Variants in CSMD1 observed in about 807,000 individuals in gnomAD.
CSMD1 encodes the protein CUB and sushi domain-containing protein 1.
A neutral mutation model predicts 417.5 loss-of-function variants in CSMD1; 213 were observed. The ratio of observed to expected loss-of-function variants is 0.51; its 90% CI spans 0.46 to 0.57. CSMD1 has a LOEUF of 0.57. Ranked by LOEUF, CSMD1 falls within the 20% of genes least tolerant of loss-of-function variation. CSMD1 has a pLI of 0.00. For missense variants in CSMD1, 6,923 were observed against 4,529.7 expected, an observed-to-expected ratio of 1.53 and a Z score of -15.17; for synonymous variants, 2,862 against 1,736.8, an observed-to-expected ratio of 1.65 and a Z score of -16.11.
intron 2 of CSMD1, among the ~76,000 whole-genome samples, chr8:4,462,912 C>T (rs1056467462): frequency 3.9e-5 from 6 of 152,080 alleles, no homozygotes; most frequent in Admixed American, 2.6e-4. Flanking sequence ...TAAGCAAAGT[C>T]TTCTTAGATA....
At chr8:4,480,283 A>G (rs1801027666) in intron 2 of CSMD1, among the ~76,000 whole-genome samples, 1 of 152,000 alleles carries the variant, frequency 6.6e-6, no homozygotes, top group East Asian at 1.9e-4. Flanking sequence ...GTTGACCCCC[A>G]GGATGAATTT....
At chr8:3,434,241 C>T (rs535701685) in intron 12 of CSMD1, among the ~76,000 whole-genome samples, 10 of 152,250 alleles carry the variant, frequency 6.6e-5, no homozygotes, top group Middle Eastern at 3.4e-3. Flanking sequence ...CTGTAAGGTA[C>T]GACTAAATCG....
chr8:3,439,303 A>AT (rs1471108281), intron 12 of CSMD1, among the ~76,000 whole-genome samples: 1 of 37,948 alleles, frequency 2.6e-5, no homozygotes, highest in African/African-American at 1.2e-4. Context: ...ATATATATAT[A>AT]TATATATTTT....
chr8:4,308,380 C>T (rs929257317), intron 3 of CSMD1, among the ~76,000 whole-genome samples: 2 of 151,604 alleles, frequency 1.3e-5, no homozygotes, highest in African/African-American at 2.4e-5. Context: ...GTTCTGTGCA[C>T]AGTCTGTGGT....
chr8:3,384,757 A>T (rs7838106), intron 18 of CSMD1, among the ~76,000 whole-genome samples: 2,632 of 121,432 alleles, frequency 0.022, 40 homozygotes, highest in African/African-American at 0.036. Flanking sequence ...TATTTATATA[A>T]ATTATATAAA....
chr8:4,033,316 C>T (rs1252778273), intron 3 of CSMD1, among the ~76,000 whole-genome samples: 1 of 151,934 alleles, frequency 6.6e-6, no homozygotes, highest in Non-Finnish European at 1.5e-5. Context: ...GTGGCGGGCA[C>T]CTGTAGTCCC....
chr8:4,283,646 C>G (rs1796906975), intron 3 of CSMD1, among the ~76,000 whole-genome samples: 1 of 152,130 alleles, frequency 6.6e-6, no homozygotes, highest in South Asian at 2.1e-4. Context: ...TAGAGATGGA[C>G]AAAACCCAAC....
intron 2 of CSMD1, among the ~76,000 whole-genome samples, chr8:4,431,295 A>C (rs1258469526): frequency 2.0e-5 from 3 of 152,176 alleles, no homozygotes; most frequent in African/African-American, 7.2e-5. Context: ...ATCATATCTC[A>C]CAAACTGTAT....
intron 23 of CSMD1, among the ~76,000 whole-genome samples, chr8:3,309,193 G>T (rs966113655): frequency 6.6e-6 from 1 of 152,106 alleles, no homozygotes. Flanking sequence ...AGGAAGAGGG[G>T]CCACCTATCG....
chr8:3,794,227 A>T (rs2623686), intron 5 of CSMD1, among the ~76,000 whole-genome samples: 151,985 of 152,314 alleles, frequency 1, 75,830 homozygotes, highest in Non-Finnish European at 1. Flanking sequence ...TCTTGGGACA[A>T]TCCTGTTCTA....
rs750839170 is a variant in CSMD1, at chr8:3,190,132, G to C, written c.5195-17C>G. On this transcript the variant is annotated splice_polypyrimidine_tract_variant and intron_variant, in intron 33 of 69. Coordinates refer to ENST00000635120, the MANE Select transcript of CSMD1 (RefSeq NM_033225.6). ...GAGGAACAGCTAGAAGCAAAGTACA[G>C]AACACAGCCGTCTGTATCTCCATCA... The C allele has an allele frequency of 1.9e-6, 3 of 1,561,348 alleles. No individual in the cohort carries two copies. The highest frequency in any genetic ancestry group is 1.7e-6 in the Non-Finnish European group (2 of 1,151,220).
chr8:3,801,922 G>A (rs1800479288), intron 5 of CSMD1, among the ~76,000 whole-genome samples: 1 of 152,042 alleles, frequency 6.6e-6, no homozygotes, highest in South Asian at 2.1e-4. Context: ...TAGGGTATAG[G>A]GTGGGGAGTC....
chr8:3,039,525 C>T (rs919709612), intron 50 of CSMD1, among the ~76,000 whole-genome samples: 2 of 150,522 alleles, frequency 1.3e-5, no homozygotes, highest in Admixed American at 6.7e-5. Flanking sequence ...CTCCCTCCTT[C>T]GTTCCTTCCT....
intron 49 of CSMD1, among the ~76,000 whole-genome samples, chr8:3,067,531 C>T (rs1813016093): frequency 6.6e-6 from 1 of 151,820 alleles, no homozygotes; most frequent in Non-Finnish European, 1.5e-5. Flanking sequence ...AGAATTTAAA[C>T]CCCAGTACTC....
chr8:3,775,393 T>C (rs1193247708), intron 5 of CSMD1, among the ~76,000 whole-genome samples: 1 of 152,118 alleles, frequency 6.6e-6, no homozygotes, highest in African/African-American at 2.4e-5. Flanking sequence ...CAGGCCCAGG[T>C]ACCTGACTCA....
chr8:3,407,861 T>G, intron 14 of CSMD1, 38 bp downstream of exon 14: 105 of 1,518,402 alleles, frequency 6.9e-5, no homozygotes, highest in Non-Finnish European at 8.5e-5. Flanking sequence ...GTAAGTAAAA[T>G]GAGAACTTGG....
intron 2 of CSMD1, among the ~76,000 whole-genome samples, chr8:4,439,068 G>A (rs915317757): frequency 6.6e-6 from 1 of 151,984 alleles, no homozygotes; most frequent in East Asian, 1.9e-4. Context: ...GGTCTTATTG[G>A]CGCCATCCTA....
At chr8:3,426,578 G>C (rs1813855942) in intron 12 of CSMD1, among the ~76,000 whole-genome samples, 1 of 152,112 alleles carries the variant, frequency 6.6e-6, no homozygotes. Flanking sequence ...GAAGATACAA[G>C]GCAATATAAT....
chr8:4,377,480 G>C (rs974797268), intron 3 of CSMD1, among the ~76,000 whole-genome samples: 8 of 152,172 alleles, frequency 5.3e-5, no homozygotes, highest in East Asian at 1.9e-4. Flanking sequence ...AAGTCAATTT[G>C]ACTATATTTT....
Sources: allele counts gnomAD v4.1 joint callset (sites outside exome capture counted in the v4.1 genomes callset), GRCh38; gene constraint gnomAD v4.1.1; transcripts MANE v1.5; gene names NCBI Gene and HGNC (gene_info 2026-07-23, HGNC 2026-07-21).